Variants in GPLD1 observed in about 807,000 individuals in gnomAD.
GPLD1 encodes the protein glycosylphosphatidylinositol specific phospholipase D1, also known as phosphatidylinositol-glycan-specific phospholipase D.
A neutral mutation model predicts 112.6 loss-of-function variants in GPLD1; 84 were observed. The ratio of observed to expected loss-of-function variants is 0.75; its 90% confidence interval spans 0.63 to 0.89. The LOEUF (loss-of-function observed/expected upper bound fraction) is 0.89. GPLD1 is among the 40% of genes least tolerant of loss of function. GPLD1 has a pLI of 0.00. For synonymous variants in GPLD1, 386 were observed against 403.8 expected, an observed-to-expected ratio of 0.96 and a Z score of 0.53; for missense variants, 1,044 against 1,051.5, an observed-to-expected ratio of 0.99 and a Z score of 0.10.
At chr6:24,446,544 G>A (rs528161836) in intron 18 of GPLD1, among the ~76,000 whole-genome samples, 4 of 152,094 alleles carry the variant, frequency 2.6e-5, no homozygotes, top group African/African-American at 7.2e-5. Context: ...ACACAGAGAG[G>A]GAAGACAGCC....
intron 20 of GPLD1, among the ~76,000 whole-genome samples, chr6:24,442,992 T>G (rs1006758143): frequency 6.6e-6 from 1 of 151,084 alleles, no homozygotes; most frequent in African/African-American, 2.4e-5. Flanking sequence ...GTAGAAAGAG[T>G]GGTGAAGAAA....
chr6:24,489,967 C>T (rs1169230384), upstream of GPLD1, among the ~76,000 whole-genome samples: 1 of 152,168 alleles, frequency 6.6e-6, no homozygotes, highest in East Asian at 1.9e-4. Context: ...CCTTTCTACA[C>T]ATTTATCAGG....
chr6:24,473,882 TG>T (rs1249313750), intron 5 of GPLD1, among the ~76,000 whole-genome samples: 3 of 152,112 alleles, frequency 2.0e-5, no homozygotes, highest in African/African-American at 7.2e-5. Context: ...CCCAGCACTT[TG>T]GGAGGTTGAG....
chr6:24,455,902 C>G (rs1763249260), intron 13 of GPLD1, among the ~76,000 whole-genome samples: 1 of 152,118 alleles, frequency 6.6e-6, no homozygotes. Context: ...TGGCCAGGTG[C>G]AGTGGCTCAT....
chr6:24,442,630 G>A (rs1264857660), intron 20 of GPLD1, among the ~76,000 whole-genome samples: 2 of 151,666 alleles, frequency 1.3e-5, no homozygotes, highest in African/African-American at 2.4e-5. Context: ...GTTTTTAGTA[G>A]AGACAGGGTT....
In GPLD1 at chr6:24,448,206, A is replaced by T. The variant is rs1762974200; in HGVS notation, c.1449T>A (p.Gly483=). ...SVGSEQLTYK[G]AVYVYFGSKQ... is the part of the protein sequence containing the mutation. Reference sequence around the variant, plus strand: ...TGGAACCAAAGTAGACATACACGGCACCCTAGATAAGGACAAACAGCAGAT... The same window carrying T: ...TGGAACCAAAGTAGACATACACGGCTCCCTAGATAAGGACAAACAGCAGAT... The change falls in exon 16 of 25, where the codon GGT becomes GGA. Residue 483 remains glycine (G), a splice_region_variant and synonymous_variant. Coordinates refer to ENST00000230036, the MANE Select transcript of GPLD1 (RefSeq NM_001503.4). 1.9e-6 allele frequency: 3 copies of T among 1,601,076 alleles called. No homozygotes were observed. The highest frequency in any genetic ancestry group is 1.7e-6 in the Non-Finnish European group (2 of 1,172,294).
intron 2 of GPLD1, among the ~76,000 whole-genome samples, chr6:24,482,791 T>G (rs1764248388): frequency 6.6e-6 from 1 of 152,014 alleles, no homozygotes; most frequent in Non-Finnish European, 1.5e-5. Flanking sequence ...AGACTCTGTT[T>G]CTACAAAAAA....
At chr6:24,435,836 A>AAAATAAAAAAAAAATAAAAAAAAT (rs1762559329) in intron 22 of GPLD1, 1 of 146,528 alleles carries the variant, frequency 6.8e-6, no homozygotes, top group Non-Finnish European at 1.5e-5. Context: ...AAAAAAAAAA[A>AAAATAAAAAAAAAATAAAAAAAAT]AAAAAAAAAA....
intron 13 of GPLD1, among the ~76,000 whole-genome samples, chr6:24,455,054 G>A (rs1443701014): frequency 2.0e-5 from 3 of 152,350 alleles, no homozygotes; most frequent in East Asian, 1.9e-4. Context: ...ACTTGAACCC[G>A]GGAGGCAGAG....
At chr6:24,442,874 C>T (rs190466276) in intron 20 of GPLD1, among the ~76,000 whole-genome samples, 1 of 152,016 alleles carries the variant, frequency 6.6e-6, no homozygotes, top group Non-Finnish European at 1.5e-5. Context: ...ACCCACCATG[C>T]CTGACCTTCT....
At chr6:24,456,040 T>C (rs1763256280) in intron 13 of GPLD1, among the ~76,000 whole-genome samples, 1 of 152,054 alleles carries the variant, frequency 6.6e-6, no homozygotes, top group African/African-American at 2.4e-5. Context: ...TTTAATCAAA[T>C]AAATTAATGC....
At chr6:24,440,103 T>C (rs976963428) in intron 20 of GPLD1, among the ~76,000 whole-genome samples, 1 of 151,648 alleles carries the variant, frequency 6.6e-6, no homozygotes, top group Non-Finnish European at 1.5e-5. Flanking sequence ...TCTACTCTCT[T>C]GAAAACCACA....
intron 7 of GPLD1, among the ~76,000 whole-genome samples, chr6:24,471,388 G>C (rs1763816784): frequency 6.6e-6 from 1 of 151,948 alleles, no homozygotes; most frequent in Non-Finnish European, 1.5e-5. Flanking sequence ...ATTTGGGCCT[G>C]GAAGTTGGAG....
chr6:24,446,293 T>G (rs1247279148), intron 18 of GPLD1, among the ~76,000 whole-genome samples: 1 of 151,848 alleles, frequency 6.6e-6, no homozygotes, highest in Non-Finnish European at 1.5e-5. Context: ...GAGGCCAGTT[T>G]GAGACGAGCC....
chr6:24,478,152 T>C (rs1356324319), intron 3 of GPLD1, among the ~76,000 whole-genome samples: 1 of 152,086 alleles, frequency 6.6e-6, no homozygotes, highest in Admixed American at 6.5e-5. Flanking sequence ...ATATCCTTTC[T>C]TCTTTCTTTT....
rs146690605 is a variant in GPLD1, at chr6:24,489,189, T to C, written c.97+226A>G. Among the ~76,000 whole-genome samples, 883 of 152,278 alleles carry C rather than the reference T, an allele frequency of 5.8e-3. 9 individuals are homozygous for C. Among genetic ancestry groups the C allele is most frequent in the African/African-American group, 0.018 (755 of 41,542 alleles). On this transcript the variant is annotated intron_variant, in intron 1 of 24. Transcript: ENST00000230036. ...AAACACACAGGGGTCCCATGACCAATGGGGCATCAGCTCTCTTTCTTATTT... is the reference window on the plus strand; with the variant it reads ...AAACACACAGGGGTCCCATGACCAACGGGGCATCAGCTCTCTTTCTTATTT...
At chr6:24,478,007 G>GA (rs1359265180) in intron 3 of GPLD1, among the ~76,000 whole-genome samples, 1 of 152,172 alleles carries the variant, frequency 6.6e-6, no homozygotes, top group Admixed American at 6.5e-5. Context: ...TATTGCTGCA[G>GA]AAAAAACTGG....
At chr6:24,434,714 T>C (rs1762514966) in intron 22 of GPLD1, among the ~76,000 whole-genome samples, 1 of 151,428 alleles carries the variant, frequency 6.6e-6, no homozygotes, top group South Asian at 2.1e-4. Flanking sequence ...AGTGGGCGCC[T>C]GTAGCCCCAG....
chr6:24,453,984 C>T, intron 14 of GPLD1, 31 bp downstream of exon 14: 1 of 1,458,582 alleles, frequency 6.9e-7, no homozygotes, highest in Non-Finnish European at 9.5e-7. Context: ...CTACTAACCA[C>T]TAGAAGAGAA....
Sources: gnomAD v4.1 joint callset for allele counts (sites outside exome capture counted in the v4.1 genomes callset) on GRCh38, gnomAD v4.1.1 for gene constraint, MANE v1.5 for transcripts, NCBI Gene and HGNC (gene_info 2026-07-23, HGNC 2026-07-21) for gene names.